Variants in HNMT observed in about 807,000 individuals in gnomAD.
The protein encoded by HNMT is histamine N-methyltransferase.
Under a neutral mutation model 32.1 loss-of-function variants are expected in HNMT, and 30 were observed. The observed-to-expected ratio is 0.93, with a 90% confidence interval of 0.70 to 1.27. The LOEUF (loss-of-function observed/expected upper bound fraction) is 1.27, where lower values mean the gene tolerates loss of function less well. Ranked by LOEUF, HNMT falls within the 50% of genes most tolerant of loss-of-function variation. HNMT has a pLI of 0.00. For missense variants in HNMT, 327 were observed against 346.0 expected (o/e 0.95, Z 0.43); for synonymous variants, 125 against 119.0 (o/e 1.05, Z -0.33).
chr2:137,964,896 A>G (rs1352634528), intron 1 of HNMT, among the ~76,000 whole-genome samples: 1 of 152,190 alleles, frequency 6.6e-6, no homozygotes, highest in African/African-American at 2.4e-5. Flanking sequence ...GAAGGCACAA[A>G]TCCATGTTCA....
intron 2 of HNMT, among the ~76,000 whole-genome samples, chr2:137,974,338 T>C (rs1680222501): frequency 6.6e-6 from 1 of 152,206 alleles, no homozygotes; most frequent in South Asian, 2.1e-4. Flanking sequence ...AATGCATATA[T>C]TCTAAATCTC....
chr2:138,009,997 C>G lies in HNMT; in HGVS notation c.524-3778C>G, dbSNP rs934907769. 3.9e-5 allele frequency among the ~76,000 whole-genome samples: 6 copies of G among 152,026 alleles called. No individual in the cohort carries two copies. In the East Asian group the frequency reaches 1.2e-3, roughly 29 times the overall value. ...AATGTCTATACCACATTGGTTTACA[C>G]TAAGTTCTGTTTTTATTAAGATTCT... On this transcript the variant is annotated intron_variant, in intron 5 of 5. Transcript: ENST00000280097.
intron 5 of HNMT, among the ~76,000 whole-genome samples, chr2:138,008,148 ATCC>A (rs1681384380): frequency 6.6e-6 from 1 of 151,840 alleles, no homozygotes; most frequent in Non-Finnish European, 1.5e-5. Flanking sequence ...CCCACCCTCC[ATCC>A]TCAAGTAGAC....
intron 2 of HNMT, among the ~76,000 whole-genome samples, chr2:137,977,353 T>C (rs1680317202): frequency 6.6e-6 from 1 of 152,198 alleles, no homozygotes; most frequent in African/African-American, 2.4e-5. Flanking sequence ...CTGACAGTCA[T>C]GCTGTATAAA....
intron 5 of HNMT, among the ~76,000 whole-genome samples, chr2:138,008,764 C>T (rs931643475): frequency 6.6e-6 from 1 of 151,910 alleles, no homozygotes; most frequent in Non-Finnish European, 1.5e-5. Context: ...ATACTATATA[C>T]AAAAATCAAC....
intron 2 of HNMT, among the ~76,000 whole-genome samples, chr2:137,988,134 A>C (rs1680705949): frequency 6.6e-6 from 1 of 152,228 alleles, no homozygotes. Context: ...GATGAGAATA[A>C]GGACCAGGCC....
At chr2:138,008,488 C>G (rs1327401321) in intron 5 of HNMT, among the ~76,000 whole-genome samples, 2 of 151,938 alleles carry the variant, frequency 1.3e-5, no homozygotes, top group Non-Finnish European at 2.9e-5. Context: ...GATTAATATT[C>G]CTCTGGGTAT....
chr2:137,978,899 ACTC>A (rs1558954630), intron 2 of HNMT, among the ~76,000 whole-genome samples: 1 of 139,900 alleles, frequency 7.1e-6, no homozygotes, highest in African/African-American at 2.6e-5. Context: ...TATAAAGTAT[ACTC>A]CATATTACAT....
At chr2:138,003,026 T>C (rs546735590) in intron 4 of HNMT, among the ~76,000 whole-genome samples, 2 of 137,684 alleles carry the variant, frequency 1.5e-5, no homozygotes, top group South Asian at 2.4e-4. Flanking sequence ...TAGGTGGGAA[T>C]TGAACAATGA....
intron 2 of HNMT, among the ~76,000 whole-genome samples, chr2:137,970,659 G>T (rs532392715): frequency 7.2e-5 from 11 of 152,198 alleles, no homozygotes; most frequent in South Asian, 2.1e-4. Context: ...GGTGGCTCAC[G>T]CCTGTAATCC....
intron 2 of HNMT, among the ~76,000 whole-genome samples, chr2:137,987,601 C>G (rs1172130952): frequency 1.4e-5 from 1 of 70,238 alleles, no homozygotes; most frequent in Non-Finnish European, 2.5e-5. Flanking sequence ...ACAATGGCCA[C>G]TTTTTTTTTT....
At chr2:137,990,598 T>G (rs113586300) in intron 2 of HNMT, among the ~76,000 whole-genome samples, 1,942 of 152,294 alleles carry the variant, frequency 0.013, 38 homozygotes, top group African/African-American at 0.044. Flanking sequence ...AATACATGTC[T>G]GCTATTTCTG....
chr2:137,965,558 C>T (rs1312917974), intron 1 of HNMT, among the ~76,000 whole-genome samples: 1 of 152,066 alleles, frequency 6.6e-6, no homozygotes, highest in Admixed American at 6.5e-5. Context: ...ATTTCCTTTT[C>T]TATTTAACAT....
intron 4 of HNMT, among the ~76,000 whole-genome samples, chr2:138,003,000 C>T (rs1395480597): frequency 1.4e-5 from 2 of 147,380 alleles, no homozygotes; most frequent in East Asian, 4.1e-4. Flanking sequence ...AACCAAACAC[C>T]GCATATTCTC....
At chr2:137,975,163 T>A (rs1243799774) in intron 2 of HNMT, among the ~76,000 whole-genome samples, 1 of 152,192 alleles carries the variant, frequency 6.6e-6, no homozygotes, top group Non-Finnish European at 1.5e-5. Context: ...TTTACCAAGG[T>A]TGAGGATGCA....
At chr2:138,007,023 G>A (rs1436515543) in intron 5 of HNMT, among the ~76,000 whole-genome samples, 2 of 151,948 alleles carry the variant, frequency 1.3e-5, no homozygotes, top group African/African-American at 4.8e-5. Flanking sequence ...CTTCATTACT[G>A]CTTATAGCAC....
chr2:137,987,710 A>C (rs950510481), intron 2 of HNMT, among the ~76,000 whole-genome samples: 4 of 151,048 alleles, frequency 2.6e-5, no homozygotes, highest in African/African-American at 9.7e-5. Context: ...TTAATGATCA[A>C]ATCAGCTCAG....
chr2:137,999,580 A>G (rs1225617111), intron 2 of HNMT, among the ~76,000 whole-genome samples: 3 of 152,060 alleles, frequency 2.0e-5, no homozygotes, highest in Non-Finnish European at 2.9e-5. Context: ...GCTTCCTGCT[A>G]TGTGCAGCCT....
At chr2:137,968,933 T>G (rs916685454) in intron 1 of HNMT, among the ~76,000 whole-genome samples, 8 of 152,140 alleles carry the variant, frequency 5.3e-5, no homozygotes, top group Non-Finnish European at 4.4e-5. Flanking sequence ...ACAGCAGTCA[T>G]CTCTTTTCCT....
Sources: gnomAD v4.1 joint callset for allele counts (sites outside exome capture counted in the v4.1 genomes callset) on GRCh38, gnomAD v4.1.1 for gene constraint, MANE v1.5 for transcripts, NCBI Gene and HGNC (gene_info 2026-07-23, HGNC 2026-07-21) for gene names.